Variants in PDE4D observed in about 807,000 individuals in gnomAD.
PDE4D encodes phosphodiesterase 4D.
PDE4D carries 24 observed loss-of-function variants against 87.4 expected under a neutral mutation model. That is an observed-to-expected ratio of 0.27 (90% CI 0.20 to 0.39). The LOEUF (loss-of-function observed/expected upper bound fraction) is 0.39. Ranked by LOEUF, PDE4D falls within the 10% of genes least tolerant of loss-of-function variation. The pLI, the probability that PDE4D is intolerant of heterozygous loss-of-function variation, is 1.00. For synonymous variants in PDE4D, 384 were observed against 383.2 expected (o/e 1.00, Z -0.02); for missense variants, 714 against 1,041.0 (o/e 0.69, Z 4.32).
intron 1 of PDE4D, among the ~76,000 whole-genome samples, chr5:60,215,415 G>A (rs1028724793): frequency 9.2e-5 from 14 of 151,922 alleles, no homozygotes; most frequent in Non-Finnish European, 2.9e-5. Context: ...AAGATGCATG[G>A]CCTCCAAGAA....
chr5:59,526,265 A>G (rs563838103), intron 1 of PDE4D, among the ~76,000 whole-genome samples: 5 of 152,316 alleles, frequency 3.3e-5, no homozygotes, highest in Non-Finnish European at 5.9e-5. Flanking sequence ...TCCACTCTCA[A>G]TATAAAACAT....
intron 5 of PDE4D, among the ~76,000 whole-genome samples, chr5:59,075,075 AACACACACACACACACACACACAC>A (rs70973189): frequency 7.7e-6 from 1 of 129,798 alleles, no homozygotes; most frequent in African/African-American, 2.9e-5. Flanking sequence ...AAGCTTACAA[AACACACACACACACACACACACAC>A]ACACACACAC....
At chr5:59,131,645 C>CACACAG (rs60337924) in intron 5 of PDE4D, among the ~76,000 whole-genome samples, 2 of 146,336 alleles carry the variant, frequency 1.4e-5, no homozygotes, top group African/African-American at 5.2e-5. Flanking sequence ...CACACACACA[C>CACACAG]ATTAATGAGA....
At chr5:59,601,418 CTTT>C (rs11331261) in intron 1 of PDE4D, among the ~76,000 whole-genome samples, 9 of 146,856 alleles carry the variant, frequency 6.1e-5, no homozygotes, top group Admixed American at 6.8e-5. Context: ...TTCTGGTTTG[CTTT>C]TTTTTTTTTT....
chr5:59,769,973 T>C (rs1763280697), intron 1 of PDE4D, among the ~76,000 whole-genome samples: 1 of 152,176 alleles, frequency 6.6e-6, no homozygotes, highest in Non-Finnish European at 1.5e-5. Context: ...GTCTTTTAAA[T>C]GTTTACAGAA....
In PDE4D at chr5:59,296,802, T is replaced by C. The variant is rs551326398; in HGVS notation, c.456-80834A>G. Among the ~76,000 whole-genome samples, 23 of 151,510 alleles carry C rather than the reference T, an allele frequency of 1.5e-4. No homozygotes were observed. In the South Asian group the frequency reaches 4.2e-3, roughly 28 times the overall value. On this transcript the variant is annotated intron_variant, in intron 1 of 14. Coordinates refer to ENST00000340635, the MANE Select transcript of PDE4D (RefSeq NM_001104631.2). Reference sequence around the variant, plus strand: ...ACACACACACACACACACACACGCGTGCATGCACGTAAAAAGCAAGGTTAA... The same window carrying C: ...ACACACACACACACACACACACGCGCGCATGCACGTAAAAAGCAAGGTTAA...
At chr5:59,356,938 G>A in intron 1 of PDE4D, 1 of 1,395,314 alleles carries the variant, frequency 7.2e-7, no homozygotes, top group Non-Finnish European at 9.2e-7. Flanking sequence ...GGAGCAGGAG[G>A]CACTTGTAGC....
At chr5:59,199,466 A>G (rs1232389366) in intron 2 of PDE4D, among the ~76,000 whole-genome samples, 1 of 152,126 alleles carries the variant, frequency 6.6e-6, no homozygotes, top group Non-Finnish European at 1.5e-5. Context: ...TCTCCTCTGA[A>G]GTTTGTCAAT....
At chr5:60,093,268 G>A (rs1414003737) in intron 2 of PDE4D, among the ~76,000 whole-genome samples, 1 of 152,156 alleles carries the variant, frequency 6.6e-6, no homozygotes, top group Admixed American at 6.5e-5. Context: ...AGGATTTCAT[G>A]GGTTCTCTAA....
At chr5:59,435,574 G>C (rs1009103914) in intron 1 of PDE4D, among the ~76,000 whole-genome samples, 11 of 151,984 alleles carry the variant, frequency 7.2e-5, no homozygotes, top group African/African-American at 2.7e-4. Context: ...CATCTATTTT[G>C]CCAACTCACA....
chr5:60,125,250 T>G (rs1779031124), intron 2 of PDE4D, among the ~76,000 whole-genome samples: 1 of 152,202 alleles, frequency 6.6e-6, no homozygotes, highest in Non-Finnish European at 1.5e-5. Flanking sequence ...AAACAGTATC[T>G]CTATTTGCAC....
chr5:59,011,176 C>A (rs1752728619), intron 6 of PDE4D, among the ~76,000 whole-genome samples: 1 of 152,098 alleles, frequency 6.6e-6, no homozygotes, highest in Non-Finnish European at 1.5e-5. Flanking sequence ...TAGATAAAAC[C>A]ACAAAGATGG....
At chr5:59,206,160 A>G (rs1748744780) in intron 2 of PDE4D, among the ~76,000 whole-genome samples, 1 of 121,790 alleles carries the variant, frequency 8.2e-6, no homozygotes. Context: ...GAGATGCTGC[A>G]GTAGGCAGAC....
chr5:59,648,352 A>G (rs1335613268), intron 1 of PDE4D, among the ~76,000 whole-genome samples: 2 of 152,334 alleles, frequency 1.3e-5, no homozygotes, highest in African/African-American at 2.4e-5. Flanking sequence ...TCTTCAAAAT[A>G]TGAGATTGAA....
intron 2 of PDE4D, among the ~76,000 whole-genome samples, chr5:60,012,062 T>A (rs1765070797): frequency 6.6e-6 from 1 of 152,078 alleles, no homozygotes; most frequent in Non-Finnish European, 1.5e-5. Flanking sequence ...TAGGTAGAAA[T>A]GCTGTGTGCT....
chr5:59,663,293 T>C (rs1745550612), intron 1 of PDE4D, among the ~76,000 whole-genome samples: 1 of 151,952 alleles, frequency 6.6e-6, no homozygotes, highest in African/African-American at 2.4e-5. Context: ...GCCTCCAGAG[T>C]AGCTGGGATT....
At chr5:59,417,537 CCTT>C (rs1793812204) in intron 1 of PDE4D, among the ~76,000 whole-genome samples, 1 of 151,062 alleles carries the variant, frequency 6.6e-6, no homozygotes, top group African/African-American at 2.4e-5. Flanking sequence ...AAAGCTGTTA[CCTT>C]TTTTTTTTTT....
chr5:59,094,216 CAAAAAAAAAAAAAA>C (rs1164383460), intron 5 of PDE4D, among the ~76,000 whole-genome samples: 2 of 14,560 alleles, frequency 1.4e-4, no homozygotes, highest in Non-Finnish European at 3.4e-4. Context: ...GACTCCGTCT[CAAAAAAAAAAAAAA>C]AAAAAAAAAA....
intron 1 of PDE4D, among the ~76,000 whole-genome samples, chr5:59,341,239 C>T (rs1447104019): frequency 6.6e-6 from 1 of 152,044 alleles, no homozygotes; most frequent in Non-Finnish European, 1.5e-5. Flanking sequence ...TTTATCAGTT[C>T]AGAGTTATTA....
Sources: allele counts gnomAD v4.1 joint callset (sites outside exome capture counted in the v4.1 genomes callset), GRCh38; gene constraint gnomAD v4.1.1; transcripts MANE v1.5; gene names NCBI Gene and HGNC (gene_info 2026-07-23, HGNC 2026-07-21).